The following UBE2N variants were observed in gnomAD, a reference collection of about 807,000 sequenced individuals.
The protein encoded by UBE2N is ubiquitin-conjugating enzyme E2 N.
For synonymous variants in UBE2N, 70 were observed against 69.2 expected (o/e 1.01, Z -0.06); for missense variants, 60 against 192.1 (o/e 0.31, Z 4.07).
intron 1 of UBE2N, among the ~76,000 whole-genome samples, chr12:93,425,470 C>T (rs1224030454): frequency 6.6e-6 from 1 of 152,208 alleles, no homozygotes; most frequent in African/African-American, 2.4e-5. Flanking sequence ...ACCTTACTGT[C>T]TCTCCAACTA....
chr12:93,409,978 CAAAG>C lies in UBE2N; in HGVS notation c.*57_*60del. The C allele has an allele frequency of 1.3e-6, 2 of 1,551,848 alleles. No homozygotes were observed. The highest frequency in any genetic ancestry group is 8.9e-7 in the Non-Finnish European group (1 of 1,127,100). On this transcript the variant is annotated 3_prime_UTR_variant, in exon 4 of 4. Coordinates refer to ENST00000318066, the MANE Select transcript of UBE2N (RefSeq NM_003348.4). ...TAAGACTGTGTCCATTAAATGCAAA[CAAAG>C]AGGAGGAAGTCTTGGCAGAACAGGA...
At chr12:93,411,344 G>T (rs768013251) in intron 1 of UBE2N, 45 bp from the exon 2 acceptor site, 19 of 1,549,204 alleles carry the variant, frequency 1.2e-5, no homozygotes, top group Non-Finnish European at 1.6e-5. Context: ...ATGTCATTTT[G>T]CTAGACACCA....
chr12:93,407,673 A>T lies in UBE2N; in HGVS notation c.*2366T>A, dbSNP rs939888679. ...TACCCGAATTCTGGATTTTCATGCA[A>T]ATCTCCCAATTTTTAAAAATGTTGG... On this transcript the variant is annotated 3_prime_UTR_variant, in exon 4 of 4. Coordinates refer to ENST00000318066, the MANE Select transcript of UBE2N (RefSeq NM_003348.4). 1 of 152,176 alleles carries T rather than the reference A, an allele frequency of 6.6e-6. No homozygotes were observed. Among genetic ancestry groups the T allele is most frequent in the Non-Finnish European group, 1.5e-5 (1 of 68,036 alleles). 9.4% of individuals were successfully genotyped at this position (152,176 alleles called of 1,614,324 possible). A position where few individuals can be genotyped will look rare whatever the true frequency, so the allele number is the denominator to read the frequency against.
rs1289906087 is a variant in UBE2N, at chr12:93,405,877, T to A, written c.*4162A>T. On this transcript the variant is annotated 3_prime_UTR_variant, in exon 4 of 4. Transcript: ENST00000318066. ...TTCGAATGAAATATTACATTTTTCT[T>A]AAATAAAGCAATAAATTAGGTACCC... 6.6e-6 allele frequency: 1 copy of A among 152,198 alleles called. No homozygotes were observed. Among genetic ancestry groups the A allele is most frequent in the Non-Finnish European group, 1.5e-5 (1 of 68,032 alleles). 9.4% of individuals were successfully genotyped at this position (152,198 alleles called of 1,614,324 possible). A position where few individuals can be genotyped will look rare whatever the true frequency, so the allele number is the denominator to read the frequency against.
chr12:93,414,889 G>A (rs1020555942), intron 1 of UBE2N, among the ~76,000 whole-genome samples: 18 of 152,080 alleles, frequency 1.2e-4, no homozygotes, highest in Admixed American at 3.3e-4. Context: ...TCTATTTTAT[G>A]GACTGCTATA....
intron 1 of UBE2N, among the ~76,000 whole-genome samples, chr12:93,421,015 A>G (rs941213658): frequency 1.3e-5 from 2 of 152,306 alleles, no homozygotes; most frequent in African/African-American, 2.4e-5. Context: ...AGAACAAACT[A>G]TGCCAAATAC....
chr12:93,439,696 C>CTACAT lies in UBE2N; in HGVS notation c.30+2154_30+2158dup, dbSNP rs200638057. ...GCATTGTCACTGATTATGGAACAAC[C>CTACAT]TACATAACACAAGCATGGACACTTT... On this transcript the variant is annotated intron_variant, in intron 1 of 3. Coordinates refer to ENST00000318066, the MANE Select transcript of UBE2N (RefSeq NM_003348.4). 3.4e-3 allele frequency among the ~76,000 whole-genome samples: 519 copies of CTACAT among 152,162 alleles called. 4 individuals carry two copies. Among genetic ancestry groups the CTACAT allele is most frequent in the African/African-American group, 0.012 (495 of 41,512 alleles).
intron 1 of UBE2N, among the ~76,000 whole-genome samples, chr12:93,430,350 A>C (rs2121089158): frequency 6.6e-6 from 1 of 152,238 alleles, no homozygotes; most frequent in South Asian, 2.1e-4. Flanking sequence ...GAAATTGCCT[A>C]TGGTGCATTT....
At position 93,408,826 on chromosome 12, in the gene UBE2N, A is replaced by AT. The variant is rs1197785715; in HGVS notation, c.*1212dup. The AT allele has an allele frequency of 1.1e-4, 17 of 152,674 alleles. No individual in the cohort carries two copies. Among genetic ancestry groups the AT allele is most frequent in the African/African-American group, 3.6e-4 (15 of 41,582 alleles). 9.5% of individuals were successfully genotyped at this position (152,674 alleles called of 1,614,324 possible). A position where few individuals can be genotyped will look rare whatever the true frequency, so the allele number is the denominator to read the frequency against. ...TAGTTGAGATCTGCTCATCAGGTTT[A>AT]TAAGGAAGACTCACAAATGCCTCAG... On this transcript the variant is annotated 3_prime_UTR_variant, in exon 4 of 4. Coordinates refer to ENST00000318066, the MANE Select transcript of UBE2N (RefSeq NM_003348.4).
chr12:93,428,516 T>C (rs910809342), intron 1 of UBE2N, among the ~76,000 whole-genome samples: 1 of 152,220 alleles, frequency 6.6e-6, no homozygotes, highest in Non-Finnish European at 1.5e-5. Context: ...TTCCCATTGA[T>C]GCCTTTGTAT....
intron 1 of UBE2N, among the ~76,000 whole-genome samples, chr12:93,418,010 C>T (rs1369120568): frequency 6.6e-6 from 1 of 152,144 alleles, no homozygotes; most frequent in East Asian, 1.9e-4. Context: ...TTATTTATCA[C>T]TTTTTTTGTA....
chr12:93,410,424 G>A (rs373749705), intron 3 of UBE2N: 1 of 504,094 alleles, frequency 2.0e-6, no homozygotes. Context: ...TTAATCAAAT[G>A]GGTTACAAAA....
chr12:93,415,436 G>A (rs530455390), intron 1 of UBE2N, among the ~76,000 whole-genome samples: 22 of 152,284 alleles, frequency 1.4e-4, no homozygotes, highest in African/African-American at 4.8e-4. Flanking sequence ...TGATCATGGC[G>A]ATGTAAGAGC....
intron 1 of UBE2N, among the ~76,000 whole-genome samples, chr12:93,438,600 T>C (rs566595495): frequency 1.1e-4 from 16 of 152,046 alleles, no homozygotes; most frequent in African/African-American, 3.1e-4. Flanking sequence ...AAGATTCTAA[T>C]GTAAGTGTGA....
chr12:93,416,118 A>G (rs1878199544), intron 1 of UBE2N, among the ~76,000 whole-genome samples: 1 of 152,220 alleles, frequency 6.6e-6, no homozygotes, highest in Non-Finnish European at 1.5e-5. Flanking sequence ...ACACAAAAAC[A>G]TGCATAATTA....
chr12:93,434,694 T>A (rs1305661689), intron 1 of UBE2N, among the ~76,000 whole-genome samples: 1 of 152,148 alleles, frequency 6.6e-6, no homozygotes, highest in Non-Finnish European at 1.5e-5. Context: ...TTGGCAAGAA[T>A]CTGAATCCCC....
At chr12:93,412,637 T>C (rs1018680835) in intron 1 of UBE2N, among the ~76,000 whole-genome samples, 1 of 152,254 alleles carries the variant, frequency 6.6e-6, no homozygotes, top group Non-Finnish European at 1.5e-5. Context: ...ACCCTACTGC[T>C]GTGTCCGGTT....
intron 1 of UBE2N, among the ~76,000 whole-genome samples, chr12:93,423,571 G>A (rs948986730): frequency 1.3e-5 from 2 of 152,194 alleles, no homozygotes; most frequent in Admixed American, 6.5e-5. Context: ...TGTACCTAGC[G>A]TGGGGAGGGG....
intron 1 of UBE2N, among the ~76,000 whole-genome samples, chr12:93,431,534 A>C (rs1320277397): frequency 6.6e-6 from 1 of 152,220 alleles, no homozygotes; most frequent in Non-Finnish European, 1.5e-5. Context: ...AATTAGAATT[A>C]AGTAAATTAA....
Sources: gnomAD v4.1 joint callset for allele counts (sites outside exome capture counted in the v4.1 genomes callset) on GRCh38, gnomAD v4.1.1 for gene constraint, MANE v1.5 for transcripts, NCBI Gene and HGNC (gene_info 2026-07-23, HGNC 2026-07-21) for gene names.